Variants in TNFSF12 observed in about 807,000 individuals in gnomAD.
TNFSF12 encodes the protein tumor necrosis factor ligand superfamily member 12.
TNFSF12 carries 16 observed loss-of-function variants against 31.2 expected under a neutral mutation model. The observed-to-expected ratio is 0.51, with a 90% CI of 0.35 to 0.78. TNFSF12 has a LOEUF of 0.78. Among genes scored for constraint, TNFSF12 ranks in the 30% least tolerant of loss-of-function variants. The pLI, the probability that TNFSF12 is intolerant of heterozygous loss-of-function variation, is 0.01. For synonymous variants in TNFSF12, 150 were observed against 151.4 expected, an observed-to-expected ratio of 0.99 and a Z score of 0.07; for missense variants, 324 against 338.8, an observed-to-expected ratio of 0.96 and a Z score of 0.34.
intron 5 of TNFSF12, among the ~76,000 whole-genome samples, chr17:7,553,000 A>G (rs1324036188): frequency 6.7e-6 from 1 of 148,334 alleles, no homozygotes; most frequent in Non-Finnish European, 1.5e-5. Flanking sequence ...AATGAGAAAT[A>G]AGGAACTGGA....
chr17:7,551,887 A>G (rs1228637932), intron 5 of TNFSF12, among the ~76,000 whole-genome samples: 1 of 152,124 alleles, frequency 6.6e-6, no homozygotes, highest in East Asian at 1.9e-4. Flanking sequence ...TCCCAGGTTC[A>G]AGAGATTCCC....
chr17:7,555,739 G>C (rs1259101142), intron 5 of TNFSF12, among the ~76,000 whole-genome samples: 2 of 152,028 alleles, frequency 1.3e-5, no homozygotes, highest in African/African-American at 4.8e-5. Context: ...GGAGAGGGAG[G>C]CTTGAATATC....
At chr17:7,553,542 C>A in intron 5 of TNFSF12, 3 of 955,988 alleles carry the variant, frequency 3.1e-6, no homozygotes, top group Non-Finnish European at 4.5e-6. Flanking sequence ...CTAATCCTCA[C>A]AACAGCCCTA....
At chr17:7,551,129 A>AC (rs931315693) in intron 5 of TNFSF12, 151 bp downstream of exon 5, 1 of 1,371,050 alleles carries the variant, frequency 7.3e-7, no homozygotes, top group Admixed American at 2.5e-5. Context: ...CAGGCGTGGG[A>AC]CCCCATGAAA....
At position 7,549,673 on chromosome 17, in the gene TNFSF12, GT is replaced by G. The variant is rs2070977920; in HGVS notation, c.207+153del. The G allele has an allele frequency of 1.6e-6, 2 of 1,243,712 alleles. No individual in the cohort carries two copies. The highest frequency in any genetic ancestry group is 2.1e-6 in the Non-Finnish European group (2 of 930,766). The allele number at this position is 1,243,712 out of a possible 1,614,324, so 77.0% of individuals were successfully genotyped here. On this transcript the variant is annotated intron_variant, in intron 2 of 6. Transcript: ENST00000293825. The surrounding 1 kb of genome is among the most constrained non-coding windows in gnomAD (Gnocchi z 4.1). The stretch of plus-strand genomic sequence containing the variant: ...CGTGCATGGGTGCGTGTCTGCAGGG[GT>G]GTGTGTGCGTGGTGACAACTCTGTG...
At chr17:7,555,973 G>GTTGT (rs1555564687) in intron 5 of TNFSF12, among the ~76,000 whole-genome samples, 1 of 70,878 alleles carries the variant, frequency 1.4e-5, no homozygotes, top group Non-Finnish European at 2.6e-5. Flanking sequence ...CCCAGTGAGC[G>GTTGT]TTTTTTTTGT....
In TNFSF12 at chr17:7,552,327, CTTTTTTTTT is replaced by C. The variant is rs930416946; in HGVS notation, c.373+1359_373+1367del. Reference sequence around the variant, plus strand: ...CCAGGAGTCATGGCCATATGGATGGCTTTTTTTTTTTTTTTTTTGAGACAGAGTCTCGCT... The same window carrying C: ...CCAGGAGTCATGGCCATATGGATGGCTTTTTTTTTGAGACAGAGTCTCGCT... On this transcript the variant is annotated intron_variant, in intron 5 of 6. Transcript: ENST00000293825. Among the ~76,000 whole-genome samples, 3 of 128,922 alleles carry C rather than the reference CTTTTTTTTT, an allele frequency of 2.3e-5. No homozygotes were observed. In the South Asian group the frequency reaches 7.7e-4, roughly 33 times the overall value. The allele number at this position is 128,922 out of a possible 152,430, so 84.6% of individuals were successfully genotyped here.
At chr17:7,555,652 A>G (rs1028915520) in intron 5 of TNFSF12, among the ~76,000 whole-genome samples, 6 of 152,174 alleles carry the variant, frequency 3.9e-5, no homozygotes, top group African/African-American at 1.4e-4. Flanking sequence ...GAGGCACCAG[A>G]TGGGGGAGAG....
At position 7,549,210 on chromosome 17, in the gene TNFSF12, C is replaced by T; in HGVS notation, c.57C>T (p.Ala19=). The T allele has an allele frequency of 7.5e-7, 1 of 1,341,314 alleles. No individual in the cohort carries two copies. The allele number at this position is 1,341,314 out of a possible 1,614,324, so 83.1% of individuals were successfully genotyped here. The change falls in exon 1 of 7, where the codon GCC becomes GCT. Residue 19 remains alanine (A), a synonymous_variant. Transcript: ENST00000293825. The surrounding 1 kb of genome is among the most constrained non-coding windows in gnomAD (Gnocchi z 4.1). ...GGCGCCGGGGGGAGCCGGGCACCGC[C>T]CTGCTGGTCCCGCTCGCGCTGGGCC... ...RRGRRGEPGT[A]LLVPLALGLG...
chr17:7,557,432 C>A lies in TNFSF12; in HGVS notation c.*82C>A. On this transcript the variant is annotated 3_prime_UTR_variant, in exon 7 of 7. Coordinates refer to ENST00000293825, the MANE Select transcript of TNFSF12 (RefSeq NM_003809.3). This position sits in a 1 kb window ranked among gnomAD's most constrained non-coding sequence, Gnocchi z 5.2. Reference sequence around the variant, plus strand: ...TGGGCACCCGGTCCCCTCTGCCCCACCCTCAGCCGCTCTTTGCTCCAGACC... The same window carrying A: ...TGGGCACCCGGTCCCCTCTGCCCCAACCTCAGCCGCTCTTTGCTCCAGACC... 5 of 1,495,130 alleles carry A rather than the reference C, an allele frequency of 3.3e-6. No homozygotes were observed. Among genetic ancestry groups the A allele is most frequent in the Non-Finnish European group, 4.4e-6 (5 of 1,125,080 alleles). 92.6% of individuals were successfully genotyped at this position (1,495,130 alleles called of 1,614,324 possible).
chr17:7,553,119 G>A (rs1337423282), intron 5 of TNFSF12, among the ~76,000 whole-genome samples: 2 of 127,842 alleles, frequency 1.6e-5, no homozygotes, highest in African/African-American at 3.0e-5. Flanking sequence ...GCACGATCTC[G>A]GCTGACCGTA....
rs2071088990 is a variant in TNFSF12 at position 7,557,528 on chromosome 17, C to T, written c.*178C>T. ...ATCCCACATAAATACAGTATTCCCA[C>T]TCTTATCTTACAACTCCCCCACCGC... On this transcript the variant is annotated 3_prime_UTR_variant, in exon 7 of 7. Transcript: ENST00000293825. The surrounding 1 kb of genome is among the most constrained non-coding windows in gnomAD (Gnocchi z 5.2). 6 of 874,796 alleles carry T rather than the reference C, an allele frequency of 6.9e-6. No individual in the cohort carries two copies. The highest frequency in any genetic ancestry group is 5.6e-5 in the East Asian group (2 of 35,578). The allele number at this position is 874,796 out of a possible 1,614,324, so 54.2% of individuals were successfully genotyped here. A position where few individuals can be genotyped will look rare whatever the true frequency, so the allele number is the denominator to read the frequency against.
Position 7,549,277 on chromosome 17 carries a change from G to C in TNFSF12, c.124G>C (p.Val42Leu). Residue 42 changes from valine (V) to leucine (L), a missense_variant, in exon 1 of 7, where the codon GTC (valine) becomes CTC (leucine). Physicochemically the swap from Val to Leu is conservative, Grantham distance 32 (BLOSUM62 1). Transcript: ENST00000293825. The surrounding 1 kb of genome is among the most constrained non-coding windows in gnomAD (Gnocchi z 4.1). The stretch of plus-strand genomic sequence containing the variant: ...CTGCCTCGGCCTCCTGCTGGCCGTG[G>C]TCAGTTTGGGGAGCCGGGCATCGCT... Reference protein sequence around the residue: ...LACLGLLLAVVSLGSRASLSA... With the variant: ...LACLGLLLAVLSLGSRASLSA... The C allele has an allele frequency of 4.3e-6, 6 of 1,397,410 alleles. No individual in the cohort carries two copies. The highest frequency in any genetic ancestry group is 3.2e-5 in the Admixed American group (1 of 31,510). 86.6% of individuals were successfully genotyped at this position (1,397,410 alleles called of 1,614,324 possible).
At position 7,549,225 on chromosome 17, in the gene TNFSF12, C is replaced by T. The variant is rs77711855; in HGVS notation, c.72C>T (p.Leu24=). The change falls in exon 1 of 7, where the codon CTC becomes CTT. Residue 24 remains leucine, a synonymous_variant. Coordinates refer to ENST00000293825, the MANE Select transcript of TNFSF12 (RefSeq NM_003809.3). The surrounding 1 kb of genome is among the most constrained non-coding windows in gnomAD (Gnocchi z 4.1). ...GEPGTALLVP[L]ALGLGLALAC... is the part of the protein sequence containing the mutation. ...CGGGCACCGCCCTGCTGGTCCCGCT[C>T]GCGCTGGGCCTGGGCCTGGCGCTGG... The T allele has an allele frequency of 0.1, 139,603 of 1,359,524 alleles. 7,921 individuals are homozygous for T. Among genetic ancestry groups the T allele is most frequent in the African/African-American group, 0.18 (11,996 of 65,562 alleles). The allele number at this position is 1,359,524 out of a possible 1,614,324, so 84.2% of individuals were successfully genotyped here.
At chr17:7,554,458 C>T (rs1048303097) in intron 5 of TNFSF12, among the ~76,000 whole-genome samples, 27 of 151,612 alleles carry the variant, frequency 1.8e-4, no homozygotes, top group Non-Finnish European at 2.9e-4. Context: ...GGACTACAGG[C>T]GCCCGCCACC....
Position 7,550,183 on chromosome 17 carries a change from C to T in TNFSF12, c.271C>T (p.Pro91Ser). ...GCCTTTCCTGAACCGACTAGTTCGG[C>T]CTCGCAGAAGTGGTGAGCATCCCTC... ...PAPFLNRLVR[P>S]RRSAPKGRKT... The change falls in exon 3 of 7, where the codon CCT (proline) becomes TCT (serine). Residue 91 changes from proline to serine, a missense_variant. Pro to Ser is a moderately conservative substitution (Grantham distance 74). Transcript: ENST00000293825. The surrounding 1 kb of genome is among the most constrained non-coding windows in gnomAD (Gnocchi z 4.4). 1.2e-6 allele frequency: 2 copies of T among 1,614,132 alleles called. No homozygotes were observed. The highest frequency in any genetic ancestry group is 1.7e-6 in the Non-Finnish European group (2 of 1,180,026).
At position 7,549,361 on chromosome 17, in the gene TNFSF12, T is replaced by G. The variant is rs780945973; in HGVS notation, c.159+49T>G. The G allele has an allele frequency of 7.1e-7, 1 of 1,418,050 alleles. No homozygotes were observed. Among genetic ancestry groups the G allele is most frequent in the South Asian group, 1.5e-5 (1 of 65,172 alleles). 87.8% of individuals were successfully genotyped at this position (1,418,050 alleles called of 1,614,324 possible). ...TCTTGGGCACATCAGGAGCTGAGAC[T>G]GCAGAGGGGCCGCTGGGGGCCGCGT... On this transcript the variant is annotated intron_variant, in intron 1 of 6. Coordinates refer to ENST00000293825, the MANE Select transcript of TNFSF12 (RefSeq NM_003809.3). This position sits in a 1 kb window ranked among gnomAD's most constrained non-coding sequence, Gnocchi z 4.1.
At chr17:7,554,215 G>T (rs1567721466) in intron 5 of TNFSF12, among the ~76,000 whole-genome samples, 1 of 151,360 alleles carries the variant, frequency 6.6e-6, no homozygotes, top group African/African-American at 2.4e-5. Flanking sequence ...CAATTATCCA[G>T]ACATTCATTC....
At chr17:7,553,023 C>CTTTTTTTTTTTTTTT (rs71159509) in intron 5 of TNFSF12, among the ~76,000 whole-genome samples, 3 of 66,100 alleles carry the variant, frequency 4.5e-5, no homozygotes, top group African/African-American at 2.2e-4. Context: ...CAGGGACAAC[C>CTTTTTTTTTTTTTTT]TTTTTTTTTT....
Sources: gnomAD v4.1 joint callset for allele counts (sites outside exome capture counted in the v4.1 genomes callset) on GRCh38, gnomAD v4.1.1 for gene constraint, Gnocchi (gnomAD v3.1) non-coding constraint, MANE v1.5 for transcripts, NCBI Gene and HGNC (gene_info 2026-07-23, HGNC 2026-07-21) for gene names.